The following ZFHX3 variants were observed in gnomAD, a reference collection of about 807,000 sequenced individuals.
ZFHX3 encodes the protein zinc finger homeobox protein 3.
Under a neutral mutation model 279.1 loss-of-function variants are expected in ZFHX3, and 42 were observed. The ratio of observed to expected loss-of-function variants is 0.15; its 90% CI spans 0.12 to 0.19. ZFHX3 has a LOEUF of 0.19. ZFHX3 is among the 10% of genes least tolerant of loss of function. ZFHX3 has a pLI of 1.00. For synonymous variants in ZFHX3, 2,293 were observed against 1,957.8 expected (o/e 1.17, Z -4.52); for missense variants, 4,981 against 4,754.0 (o/e 1.05, Z -1.40).
At chr16:72,973,566 T>G (rs567973154) in intron 1 of ZFHX3, 2 of 152,344 alleles carry the variant, frequency 1.3e-5, no homozygotes, top group South Asian at 4.1e-4. Flanking sequence ...CAAGCTCAAG[T>G]TGTACTTGGC....
At chr16:73,318,542 T>G (rs1249893445) in intron 3 of ZFHX3, among the ~76,000 whole-genome samples, 1 of 152,142 alleles carries the variant, frequency 6.6e-6, no homozygotes, top group Non-Finnish European at 1.5e-5. Context: ...TCCTTTTTCT[T>G]CTGGCTAATA....
chr16:73,200,063 G>T (rs1311624617), intron 5 of ZFHX3, among the ~76,000 whole-genome samples: 1 of 152,138 alleles, frequency 6.6e-6, no homozygotes, highest in Non-Finnish European at 1.5e-5. Flanking sequence ...GGAAGTAAAG[G>T]AAAATGTCAG....
chr16:73,031,062 G>T (rs1048961815), intron 1 of ZFHX3, among the ~76,000 whole-genome samples: 1 of 152,150 alleles, frequency 6.6e-6, no homozygotes, highest in East Asian at 1.9e-4. Context: ...TCCATAAAAA[G>T]ATTTCTTTTT....
upstream of ZFHX3, among the ~76,000 whole-genome samples, chr16:73,063,541 C>A (rs959635854): frequency 2.6e-5 from 4 of 152,188 alleles, no homozygotes; most frequent in African/African-American, 9.6e-5. Context: ...TGAGCCTCAA[C>A]CACCAGATCT....
chr16:73,514,785 G>A (rs752112604), intron 2 of ZFHX3, among the ~76,000 whole-genome samples: 1 of 152,106 alleles, frequency 6.6e-6, no homozygotes, highest in Non-Finnish European at 1.5e-5. Context: ...AGGAAGGCTG[G>A]TGAGGGGTGG....
At chr16:73,823,278 A>C (rs1960802992) in intron 1 of ZFHX3, among the ~76,000 whole-genome samples, 1 of 152,164 alleles carries the variant, frequency 6.6e-6, no homozygotes, top group African/African-American at 2.4e-5. Flanking sequence ...TATGGCAGGC[A>C]GAGGAACTAA....
chr16:73,153,876 G>C (rs1240965669), intron 5 of ZFHX3, among the ~76,000 whole-genome samples: 1 of 151,756 alleles, frequency 6.6e-6, no homozygotes, highest in Non-Finnish European at 1.5e-5. Flanking sequence ...AATTATTAAG[G>C]ACAGGCCTTA....
chr16:72,964,505 T>C (rs1961736527), intron 1 of ZFHX3, among the ~76,000 whole-genome samples: 1 of 152,060 alleles, frequency 6.6e-6, no homozygotes, highest in African/African-American at 2.4e-5. Flanking sequence ...GAGGTATAGG[T>C]GACTTCATTT....
At chr16:73,325,928 AAC>A (rs140609871) in intron 3 of ZFHX3, among the ~76,000 whole-genome samples, 32,373 of 145,476 alleles carry the variant, frequency 0.22, 4,018 homozygotes, top group African/African-American at 0.35. Context: ...CACACACACA[AAC>A]ACACACACAC....
intron 1 of ZFHX3, among the ~76,000 whole-genome samples, chr16:73,712,930 G>T (rs962403714): frequency 1.3e-5 from 2 of 152,184 alleles, no homozygotes; most frequent in Non-Finnish European, 2.9e-5. Context: ...ACATTGCAGG[G>T]TGGGCTGTCT....
intron 3 of ZFHX3, among the ~76,000 whole-genome samples, chr16:72,919,960 A>AT (rs1392956563): frequency 6.6e-6 from 1 of 151,090 alleles, no homozygotes; most frequent in East Asian, 2.0e-4. Flanking sequence ...TGCCCAGCTA[A>AT]TTTTTTGTAT....
intron 1 of ZFHX3, among the ~76,000 whole-genome samples, chr16:72,967,333 C>G (rs971185886): frequency 8.6e-5 from 13 of 151,980 alleles, no homozygotes; most frequent in African/African-American, 3.1e-4. Flanking sequence ...TCAAAATGAC[C>G]TAGGAGTGGG....
Position 73,367,665 on chromosome 16 carries a change from A to AC in ZFHX3, c.-1290-49330dup, listed in dbSNP as rs529943253. On this transcript the variant is annotated intron_variant, in intron 3 of 17. Coordinates refer to the ZFHX3 transcript ENST00000641206. ...AAGGATTACAGGTGCTGTCCAGCCC[A>AC]CCTTGGGCTTGAATACCTCTATCAC... Among the ~76,000 whole-genome samples the AC allele has an allele frequency of 7.7e-4, 117 of 152,318 alleles. 2 individuals carry two copies. The highest frequency in any genetic ancestry group is 2.6e-3 in the African/African-American group (109 of 41,560).
At chr16:73,568,069 A>G (rs1283448055) in intron 2 of ZFHX3, among the ~76,000 whole-genome samples, 2 of 152,176 alleles carry the variant, frequency 1.3e-5, no homozygotes, top group African/African-American at 4.8e-5. Flanking sequence ...AATGTCACAA[A>G]CACCATTCAA....
At chr16:73,501,601 T>C (rs925088555) in intron 2 of ZFHX3, among the ~76,000 whole-genome samples, 3 of 152,204 alleles carry the variant, frequency 2.0e-5, no homozygotes, top group African/African-American at 7.2e-5. Context: ...TAAACAGGAA[T>C]ACAAGTCTCT....
chr16:73,130,906 C>T, intron 7 of ZFHX3: 16 of 1,269,130 alleles, frequency 1.3e-5, no homozygotes, highest in Non-Finnish European at 1.4e-5. Flanking sequence ...ACACGCTGGG[C>T]CCAGACAGTC....
chr16:73,780,980 A>G (rs1959450531), intron 1 of ZFHX3, among the ~76,000 whole-genome samples: 1 of 152,216 alleles, frequency 6.6e-6, no homozygotes, highest in African/African-American at 2.4e-5. Context: ...ACAATAATGA[A>G]GAAGACTTGC....
intron 3 of ZFHX3, among the ~76,000 whole-genome samples, chr16:72,930,759 AG>A (rs1959747978): frequency 6.6e-6 from 1 of 152,254 alleles, no homozygotes; most frequent in South Asian, 2.1e-4. Flanking sequence ...TGCCAAAATA[AG>A]GAAGATTACG....
At chr16:73,780,673 C>T (rs1001065344) in intron 1 of ZFHX3, among the ~76,000 whole-genome samples, 1 of 152,204 alleles carries the variant, frequency 6.6e-6, no homozygotes, top group Non-Finnish European at 1.5e-5. Flanking sequence ...AACTCCTGGC[C>T]TTAAGTGACC....
Sources: gnomAD v4.1 joint callset for allele counts (sites outside exome capture counted in the v4.1 genomes callset) on GRCh38, gnomAD v4.1.1 for gene constraint, MANE v1.5 for transcripts, NCBI Gene and HGNC (gene_info 2026-07-23, HGNC 2026-07-21) for gene names.